PRKDC: variants seen among roughly 807,000 people sequenced by gnomAD.
PRKDC encodes the protein DNA-dependent protein kinase catalytic subunit.
PRKDC carries 82 observed loss-of-function variants against 486.9 expected under a neutral mutation model. The observed-to-expected ratio is 0.17, with a 90% CI of 0.14 to 0.20. The LOEUF (loss-of-function observed/expected upper bound fraction) is 0.20. Ranked by LOEUF, PRKDC falls within the 10% of genes least tolerant of loss-of-function variation. PRKDC has a pLI of 1.00. For missense variants in PRKDC, 4,504 were observed against 5,038.2 expected (o/e 0.89, Z 3.21); for synonymous variants, 1,895 against 1,837.0 (o/e 1.03, Z -0.81).
chr8:47,857,347 C>G (rs780603641), intron 48 of PRKDC, 48 bp from the exon 49 acceptor site: 1 of 1,554,398 alleles, frequency 6.4e-7, no homozygotes, highest in African/African-American at 1.4e-5. Context: ...TCTTAAATTG[C>G]CAAAATATTA....
In PRKDC at chr8:47,953,643, T is replaced by C. The variant is rs370770193; in HGVS notation, c.698A>G (p.Asn233Ser). 1.1e-5 allele frequency: 18 copies of C among 1,613,298 alleles called. No individual in the cohort carries two copies. The highest frequency in any genetic ancestry group is 1.6e-4 in the Middle Eastern group (1 of 6,084). The change falls in exon 7 of 86, where the codon AAC becomes AGC. Residue 233 changes from asparagine to serine, a missense_variant. Asn to Ser is a conservative substitution (Grantham distance 46). Around this residue, in one of 6 missense-constraint regions of PRKDC, gnomAD observed 1,969 missense variants for 2,068.9 expected, o/e 0.95. Transcript: ENST00000314191. ...CLKGLSSLLC[N>S]FTKSMEEDPQ... Reference sequence around the variant, plus strand: ...ACCTTCTTCCATGGACTTAGTGAAGTTGCACAGAAGTGAGGACAACCCCTT... The same window carrying C: ...ACCTTCTTCCATGGACTTAGTGAAGCTGCACAGAAGTGAGGACAACCCCTT...
intron 69 of PRKDC, among the ~76,000 whole-genome samples, chr8:47,804,135 A>G (rs979222548): frequency 1.3e-5 from 2 of 152,128 alleles, no homozygotes; most frequent in Non-Finnish European, 2.9e-5. Flanking sequence ...ATTTGCCTAC[A>G]CCAGACATTC....
chr8:47,835,480 G>A (rs1442031880), intron 58 of PRKDC, among the ~76,000 whole-genome samples: 1 of 151,784 alleles, frequency 6.6e-6, no homozygotes, highest in African/African-American at 2.4e-5. Flanking sequence ...AGCCAGGCGA[G>A]GTGGTGCGCG....
At position 47,837,373 on chromosome 8, in the gene PRKDC, T is replaced by C. The variant is rs1589732127; in HGVS notation, c.7600A>G (p.Asn2534Asp). The C allele has an allele frequency of 3.7e-6, 6 of 1,612,758 alleles. No individual in the cohort carries two copies. The highest frequency in any genetic ancestry group is 1.3e-5 in the African/African-American group (1 of 75,018). ...AGTGCCAGCAACCGGTCCAAGGTAT[T>C]TGAAGGTAACCTAGTTTCATGGCTC... ...FWSHETRLPS[N>D]TLDRLLALNS... Residue 2534 changes from asparagine (N) to aspartate (D), a missense_variant, in exon 57 of 86, where the codon AAT (asparagine) becomes GAT (aspartate). Asn to Asp is a conservative substitution (Grantham distance 23, BLOSUM62 1). Coordinates refer to ENST00000314191, the MANE Select transcript of PRKDC (RefSeq NM_006904.7).
Position 47,930,015 on chromosome 8 carries a change from G to A in PRKDC, c.1893-3C>T. The A allele has an allele frequency of 6.3e-7, 1 of 1,593,208 alleles. No individual in the cohort carries two copies. Among genetic ancestry groups the A allele is most frequent in the Non-Finnish European group, 8.5e-7 (1 of 1,173,108 alleles). On this transcript the variant is annotated splice_region_variant and splice_polypyrimidine_tract_variant and intron_variant, in intron 17 of 85. Coordinates refer to ENST00000314191, the MANE Select transcript of PRKDC (RefSeq NM_006904.7). ...CTTGTTTCTCAGGGAGAATCTCTCT[G>A]TAAAAACAAATTAGAAATTGAAGGT...
At chr8:47,783,881 G>C (rs998140427) in intron 77 of PRKDC, 72 bp from the exon 78 acceptor site, 13 of 1,434,386 alleles carry the variant, frequency 9.1e-6, no homozygotes, top group Non-Finnish European at 1.3e-5. Flanking sequence ...CATGCCTCTT[G>C]ATCTACTTTT....
chr8:47,892,531 G>A (rs1223458274), intron 31 of PRKDC, among the ~76,000 whole-genome samples: 1 of 151,954 alleles, frequency 6.6e-6, no homozygotes, highest in African/African-American at 2.4e-5. Flanking sequence ...GTGTCTCGCC[G>A]TGTTGCCCAG....
intron 68 of PRKDC, among the ~76,000 whole-genome samples, chr8:47,816,852 T>A (rs1328460077): frequency 6.6e-6 from 1 of 151,030 alleles, no homozygotes; most frequent in African/African-American, 2.4e-5. Flanking sequence ...GTGGAGGAAA[T>A]AATGGGAGAC....
Position 47,886,192 on chromosome 8 carries a change from G to A in PRKDC, c.4573-45C>T, listed in dbSNP as rs561343112. 20 of 1,467,316 alleles carry A rather than the reference G, an allele frequency of 1.4e-5. No homozygotes were observed. The South Asian group carries it at 2.5e-4, about 18-fold the overall frequency. 90.9% of individuals were successfully genotyped at this position (1,467,316 alleles called of 1,614,324 possible). ...AGTACCATAACTGGGGCACATCTTT[G>A]CATGGCACAGAAAGACCCTTGGGCA... On this transcript the variant is annotated intron_variant, in intron 35 of 85. Coordinates refer to ENST00000314191, the MANE Select transcript of PRKDC (RefSeq NM_006904.7).
chr8:47,863,656 C>T, intron 41 of PRKDC, 79 bp from the exon 42 acceptor site: 1 of 1,198,704 alleles, frequency 8.3e-7, no homozygotes, highest in South Asian at 1.4e-5. Context: ...AAATTTAATA[C>T]TTAATATCCT....
At chr8:47,819,282 C>T (rs1164936445) in intron 67 of PRKDC, 120 bp downstream of exon 67, 7 of 601,406 alleles carry the variant, frequency 1.2e-5, no homozygotes, top group East Asian at 6.3e-5. Context: ...AGAGGAAATT[C>T]GATGGAGTTT....
rs2086554020 is a variant in PRKDC, at chr8:47,773,415, TAAC to T, written c.*755_*757del. 9.3e-6 allele frequency: 2 copies of T among 214,622 alleles called. No homozygotes were observed. Among genetic ancestry groups the T allele is most frequent in the Admixed American group, 5.8e-5 (1 of 17,130 alleles). The allele number at this position is 214,622 out of a possible 1,614,324, so 13.3% of individuals were successfully genotyped here. A position where few individuals can be genotyped will look rare whatever the true frequency, so the allele number is the denominator to read the frequency against. ...GAACTGAAATGCTTAGTACTATCCCTAACAACAACCATGGGATTTTTGAAGTTA... is the reference window on the plus strand; with the variant it reads ...GAACTGAAATGCTTAGTACTATCCCTAACAACCATGGGATTTTTGAAGTTA... On this transcript the variant is annotated 3_prime_UTR_variant, in exon 86 of 86. Transcript: ENST00000314191.
chr8:47,776,801 A>T, intron 85 of PRKDC, 43 bp downstream of exon 85: 1 of 1,608,746 alleles, frequency 6.2e-7, no homozygotes. Flanking sequence ...AAACAGTAGC[A>T]TGTCGGTAGT....
At chr8:47,798,567 C>T (rs920915696) in intron 72 of PRKDC, among the ~76,000 whole-genome samples, 170 bp from the exon 73 acceptor site, 1 of 152,176 alleles carries the variant, frequency 6.6e-6, no homozygotes, top group Non-Finnish European at 1.5e-5. Context: ...TTGTATCTAT[C>T]CTGGAGCCAA....
Position 47,773,853 on chromosome 8 carries a change from T to A in PRKDC, c.*320A>T. The A allele has an allele frequency of 3.8e-6, 1 of 261,064 alleles. No individual in the cohort carries two copies. Among genetic ancestry groups the A allele is most frequent in the Non-Finnish European group, 7.3e-6 (1 of 136,624 alleles). 16.2% of individuals were successfully genotyped at this position (261,064 alleles called of 1,614,324 possible). A position where few individuals can be genotyped will look rare whatever the true frequency, so the allele number is the denominator to read the frequency against. On this transcript the variant is annotated 3_prime_UTR_variant, in exon 86 of 86. Transcript: ENST00000314191. ...TTTCCTCCATTTACGGAGACAGCTG[T>A]TTCACTAACTTGCAGCACTTGTAAA... is the stretch of plus-strand genomic sequence containing the variant.
At chr8:47,904,304 G>A (rs955347195) in intron 26 of PRKDC, among the ~76,000 whole-genome samples, 3 of 152,152 alleles carry the variant, frequency 2.0e-5, no homozygotes, top group Non-Finnish European at 4.4e-5. Context: ...GCCCAGACTG[G>A]AGTGCAGTAG....
chr8:47,930,954 GCAGGA>G (rs534629664), intron 16 of PRKDC, among the ~76,000 whole-genome samples, 167 bp from the exon 17 acceptor site: 358 of 152,296 alleles, frequency 2.4e-3, no homozygotes, highest in African/African-American at 8.2e-3. Flanking sequence ...GATAAGAAGG[GCAGGA>G]CTTGCAGAAA....
At chr8:47,852,813 A>C (rs775685258) in intron 51 of PRKDC, 29 bp from the exon 52 acceptor site, 54 of 1,356,990 alleles carry the variant, frequency 4.0e-5, no homozygotes, top group Non-Finnish European at 5.1e-5. Context: ...AGACATATGC[A>C]TCAAATAAAC....
intron 40 of PRKDC, among the ~76,000 whole-genome samples, chr8:47,868,410 A>G (rs1398557977): frequency 6.6e-6 from 1 of 151,706 alleles, no homozygotes; most frequent in African/African-American, 2.4e-5. Context: ...AAAAAAAAAG[A>G]AAGAAGAAAA....
Sources: allele counts gnomAD v4.1 joint callset (sites outside exome capture counted in the v4.1 genomes callset), GRCh38; gene constraint gnomAD v4.1.1; regional missense constraint gnomAD v4.1.1; transcripts MANE v1.5; gene names NCBI Gene and HGNC (gene_info 2026-07-23, HGNC 2026-07-21).